The following SORBS2 variants were observed in gnomAD, a reference collection of about 807,000 sequenced individuals.
The protein encoded by SORBS2 is sorbin and SH3 domain containing 2, also known as sorbin and SH3 domain-containing protein 2.
In SORBS2, 46 loss-of-function variants were observed where a neutral mutation model predicts 97.7. The observed-to-expected ratio is 0.47, with a 90% CI of 0.37 to 0.60. The LOEUF is 0.60. Ranked by LOEUF, SORBS2 falls within the 20% of genes least tolerant of loss-of-function variation. The probability of loss-of-function intolerance (pLI) is 0.00; values close to 1 mark genes in which losing one functional copy is unlikely to be tolerated. For synonymous variants in SORBS2, 476 were observed against 473.4 expected, an observed-to-expected ratio of 1.01 and a Z score of -0.07; for missense variants, 1,316 against 1,282.3, an observed-to-expected ratio of 1.03 and a Z score of -0.40.
intron 1 of SORBS2, among the ~76,000 whole-genome samples, chr4:185,868,147 C>CTTTT (rs372271322): frequency 3.3e-5 from 3 of 89,802 alleles, no homozygotes; most frequent in African/African-American, 9.5e-5. Context: ...CTTTTCTTTT[C>CTTTT]TTTTTTTCTT....
chr4:185,741,074 C>T (rs2098721996), intron 2 of SORBS2, among the ~76,000 whole-genome samples: 2 of 152,130 alleles, frequency 1.3e-5, no homozygotes, highest in Non-Finnish European at 2.9e-5. Flanking sequence ...CTGGCATAGA[C>T]TCAGACTCCA....
At chr4:185,683,381 G>A (rs1052679850) in intron 2 of SORBS2, among the ~76,000 whole-genome samples, 17 of 152,172 alleles carry the variant, frequency 1.1e-4, no homozygotes, top group Non-Finnish European at 2.1e-4. Context: ...CAAGGTTCAC[G>A]TCTGAGTAGG....
In SORBS2 at chr4:185,606,863, T is replaced by C; in HGVS notation, c.2796+4917A>G. 1.0e-6 allele frequency: 1 copy of C among 985,392 alleles called. No homozygotes were observed. Among genetic ancestry groups the C allele is most frequent in the Non-Finnish European group, 1.2e-6 (1 of 829,918 alleles). 61.0% of individuals were successfully genotyped at this position (985,392 alleles called of 1,614,324 possible). A position where few individuals can be genotyped will look rare whatever the true frequency, so the allele number is the denominator to read the frequency against. On this transcript the variant is annotated intron_variant, in intron 12 of 14. Transcript: ENST00000418609. This position sits in a 1 kb window ranked among gnomAD's most constrained non-coding sequence, Gnocchi z 4.3. The stretch of plus-strand genomic sequence containing the variant: ...GGTACAGGCAAGGAACCCACGCTGG[T>C]GCACGCAGAGGCCACAAAATTATCC...
At chr4:185,818,851 C>T (rs552472308) in intron 1 of SORBS2, among the ~76,000 whole-genome samples, 9 of 151,852 alleles carry the variant, frequency 5.9e-5, no homozygotes, top group Admixed American at 1.3e-4. Context: ...AAGAAACATT[C>T]CTTGTGAGGT....
At chr4:185,655,182 C>A (rs1409268672) in intron 1 of SORBS2, among the ~76,000 whole-genome samples, 3 of 152,160 alleles carry the variant, frequency 2.0e-5, no homozygotes, top group African/African-American at 7.2e-5. Context: ...TGATTCCCTG[C>A]ATTAAAATAG....
chr4:185,684,753 C>A lies in SORBS2; in HGVS notation c.-197-5931G>T. ...CATTGTGTGAGTTAGTGATATTATA[C>A]CTGCAGCCAATAGGTTTGGAGAACT... On this transcript the variant is annotated intron_variant, in intron 2 of 20. Coordinates refer to the SORBS2 transcript ENST00000284776. This position sits in a 1 kb window ranked among gnomAD's most constrained non-coding sequence, Gnocchi z 4.2. The A allele has an allele frequency of 1.9e-6, 3 of 1,547,758 alleles. No individual in the cohort carries two copies. Among genetic ancestry groups the A allele is most frequent in the Non-Finnish European group, 8.7e-7 (1 of 1,143,422 alleles).
At position 185,877,867 on chromosome 4, in the gene SORBS2, C is replaced by CAAAAAA. The variant is rs1491116547; in HGVS notation, c.-338+78323_-338+78328dup. On this transcript the variant is annotated intron_variant, in intron 1 of 20. Transcript: ENST00000284776. ...CCTGGGTGACAGAGTGAGACTCTGTCAAAAAACAAAAAAAAAAAAGAAAGA... is the reference window on the plus strand; with the variant it reads ...CCTGGGTGACAGAGTGAGACTCTGTCAAAAAAAAAAAACAAAAAAAAAAAAGAAAGA... 4.2e-4 allele frequency among the ~76,000 whole-genome samples: 21 copies of CAAAAAA among 50,396 alleles called. 1 individual carries two copies. Among genetic ancestry groups the CAAAAAA allele is most frequent in the African/African-American group, 1.1e-3 (15 of 13,412 alleles). The allele number at this position is 50,396 out of a possible 152,430, so 33.1% of individuals were successfully genotyped here. A position where few individuals can be genotyped will look rare whatever the true frequency, so the allele number is the denominator to read the frequency against.
At chr4:185,699,914 G>A (rs1346774253) in intron 2 of SORBS2, among the ~76,000 whole-genome samples, 1 of 152,140 alleles carries the variant, frequency 6.6e-6, no homozygotes, top group Non-Finnish European at 1.5e-5. Flanking sequence ...TGTACTAAAT[G>A]TACAAGTGTT....
chr4:185,908,319 A>G (rs1367424337), intron 1 of SORBS2, among the ~76,000 whole-genome samples: 1 of 133,636 alleles, frequency 7.5e-6, no homozygotes, highest in Non-Finnish European at 1.6e-5. Flanking sequence ...ATATATATAT[A>G]TATTTGTATA....
intron 1 of SORBS2, among the ~76,000 whole-genome samples, chr4:185,799,702 AG>A (rs1585033692): frequency 1.3e-5 from 2 of 152,326 alleles, no homozygotes; most frequent in East Asian, 3.9e-4. Flanking sequence ...AACCAACACC[AG>A]TAGTGGCTGA....
intron 1 of SORBS2, among the ~76,000 whole-genome samples, chr4:185,824,105 T>C (rs574973670): frequency 6.6e-6 from 1 of 152,136 alleles, no homozygotes; most frequent in East Asian, 1.9e-4. Context: ...CCAAACCGGG[T>C]GGCTTCAAAC....
chr4:185,764,717 G>A (rs2098924053), intron 2 of SORBS2, among the ~76,000 whole-genome samples: 1 of 152,128 alleles, frequency 6.6e-6, no homozygotes, highest in South Asian at 2.1e-4. Context: ...ATAGCAAATA[G>A]AGGGAAAGAT....
chr4:185,657,663 G>T, upstream of SORBS2: 1 of 1,435,002 alleles, frequency 7.0e-7, no homozygotes, highest in Non-Finnish European at 9.6e-7. Flanking sequence ...CATGTGTCTT[G>T]TTGTATATTT....
chr4:185,753,421 T>C (rs1326594877), intron 2 of SORBS2, among the ~76,000 whole-genome samples: 6 of 152,248 alleles, frequency 3.9e-5, no homozygotes, highest in Non-Finnish European at 8.8e-5. Flanking sequence ...TTGTTTAACT[T>C]ATTTTAATTC....
At chr4:185,790,036 A>G (rs1249473518) in intron 1 of SORBS2, among the ~76,000 whole-genome samples, 1 of 152,136 alleles carries the variant, frequency 6.6e-6, no homozygotes, top group African/African-American at 2.4e-5. Flanking sequence ...AAAGTTCATG[A>G]ATGGTCCTTG....
chr4:185,662,547 G>A (rs1331007567), intron 4 of SORBS2, among the ~76,000 whole-genome samples: 2 of 152,230 alleles, frequency 1.3e-5, no homozygotes, highest in Non-Finnish European at 2.9e-5. Context: ...GTAGGAGTCA[G>A]TACCAAGTAA....
chr4:185,655,358 C>T (rs149723687), intron 1 of SORBS2, among the ~76,000 whole-genome samples: 206 of 152,326 alleles, frequency 1.4e-3, no homozygotes, highest in Non-Finnish European at 2.4e-3. Flanking sequence ...TCATTACTTT[C>T]TACACATGAG....
At chr4:185,782,363 T>G (rs1483159338) in intron 1 of SORBS2, among the ~76,000 whole-genome samples, 1 of 152,260 alleles carries the variant, frequency 6.6e-6, no homozygotes, top group African/African-American at 2.4e-5. Context: ...TTGCATTTAT[T>G]CTAAAATAGA....
chr4:185,759,053 C>T (rs1276049792), intron 2 of SORBS2, among the ~76,000 whole-genome samples: 1 of 152,196 alleles, frequency 6.6e-6, no homozygotes, highest in African/African-American at 2.4e-5. Context: ...AGGTTGTTCA[C>T]TGATGTGTCT....
Sources: allele counts gnomAD v4.1 joint callset (sites outside exome capture counted in the v4.1 genomes callset), GRCh38; gene constraint gnomAD v4.1.1; non-coding constraint Gnocchi (gnomAD v3.1); transcripts MANE v1.5; gene names NCBI Gene and HGNC (gene_info 2026-07-23, HGNC 2026-07-21).